Variants in SLC25A48 observed in about 807,000 individuals in gnomAD.
SLC25A48 encodes the protein solute carrier family 25 member 48.
Under a neutral mutation model 32.2 loss-of-function variants are expected in SLC25A48, and 29 were observed. The ratio of observed to expected loss-of-function variants is 0.90; its 90% confidence interval spans 0.67 to 1.23. The LOEUF (loss-of-function observed/expected upper bound fraction) is 1.23, where lower values mean the gene tolerates loss of function less well. Among genes scored for constraint, SLC25A48 ranks in the 50% most tolerant of loss-of-function variants. SLC25A48 has a pLI of 0.00. For missense variants in SLC25A48, 399 were observed against 422.7 expected, an observed-to-expected ratio of 0.94 and a Z score of 0.49; for synonymous variants, 164 against 172.3, an observed-to-expected ratio of 0.95 and a Z score of 0.38.
At chr5:135,651,486 C>T (rs1272953732) in intron 3 of SLC25A48, among the ~76,000 whole-genome samples, 1 of 152,156 alleles carries the variant, frequency 6.6e-6, no homozygotes, top group African/African-American at 2.4e-5. Flanking sequence ...CATCTGCCTT[C>T]ATTAGTTTTT....
chr5:135,860,132 C>A (rs1157400243), intron 4 of SLC25A48, among the ~76,000 whole-genome samples: 1 of 152,152 alleles, frequency 6.6e-6, no homozygotes, highest in Non-Finnish European at 1.5e-5. Flanking sequence ...ATCAAGGCAG[C>A]TTGAAGGATA....
chr5:135,603,797 C>A (rs987822330), intron 1 of SLC25A48, among the ~76,000 whole-genome samples: 1 of 152,178 alleles, frequency 6.6e-6, no homozygotes, highest in Non-Finnish European at 1.5e-5. Flanking sequence ...CTAGAAGAGG[C>A]CTCACTGTCC....
intron 3 of SLC25A48, among the ~76,000 whole-genome samples, chr5:135,646,142 C>T (rs1267139703): frequency 6.6e-6 from 1 of 152,088 alleles, no homozygotes; most frequent in Non-Finnish European, 1.5e-5. Flanking sequence ...TTCCAAGGCC[C>T]TAGGGGAGGA....
intron 1 of SLC25A48, among the ~76,000 whole-genome samples, chr5:135,837,537 T>C (rs1459310238): frequency 6.6e-6 from 1 of 152,148 alleles, no homozygotes; most frequent in African/African-American, 2.4e-5. Flanking sequence ...CCCACCCAAA[T>C]CTCATCTTGA....
chr5:135,723,490 A>T (rs1319495903), intron 3 of SLC25A48, among the ~76,000 whole-genome samples: 1 of 151,040 alleles, frequency 6.6e-6, no homozygotes. Context: ...TTTTTTATTT[A>T]AAAAAGGCAC....
At chr5:135,719,244 A>C (rs985109069) in intron 3 of SLC25A48, among the ~76,000 whole-genome samples, 2 of 152,064 alleles carry the variant, frequency 1.3e-5, no homozygotes, top group Non-Finnish European at 2.9e-5. Flanking sequence ...CAAATCCGGG[A>C]TTTATTTTTC....
intron 3 of SLC25A48, among the ~76,000 whole-genome samples, chr5:135,716,192 A>G (rs1754792217): frequency 6.6e-6 from 1 of 152,120 alleles, no homozygotes; most frequent in Non-Finnish European, 1.5e-5. Flanking sequence ...CTACAGGAAA[A>G]AGTGAACCTC....
intron 3 of SLC25A48, among the ~76,000 whole-genome samples, chr5:135,665,622 G>A (rs1177926321): frequency 1.3e-5 from 2 of 151,944 alleles, no homozygotes; most frequent in African/African-American, 4.8e-5. Flanking sequence ...TGAGAGATAG[G>A]GATCGCGTTT....
intron 1 of SLC25A48, among the ~76,000 whole-genome samples, chr5:135,607,030 C>T (rs1751953372): frequency 6.6e-6 from 1 of 152,184 alleles, no homozygotes; most frequent in Non-Finnish European, 1.5e-5. Context: ...AGAACTCTTA[C>T]CCAGGGGACT....
chr5:135,791,818 C>T (rs1757037627), intron 3 of SLC25A48, among the ~76,000 whole-genome samples: 1 of 151,432 alleles, frequency 6.6e-6, no homozygotes, highest in Non-Finnish European at 1.5e-5. Context: ...CTTATAATGC[C>T]ACAGGGGGTG....
At chr5:135,868,324 G>C (rs1167341415) in intron 4 of SLC25A48, among the ~76,000 whole-genome samples, 1 of 152,140 alleles carries the variant, frequency 6.6e-6, no homozygotes, top group Non-Finnish European at 1.5e-5. Flanking sequence ...CAGAGGGGTT[G>C]TGTACTCTTA....
intron 3 of SLC25A48, among the ~76,000 whole-genome samples, chr5:135,747,763 C>G (rs1267659874): frequency 2.6e-5 from 4 of 152,170 alleles, no homozygotes; most frequent in Admixed American, 2.0e-4. Context: ...TAATTATAGC[C>G]AGCATTTTGT....
At chr5:135,638,113 C>T (rs1159758409) in intron 3 of SLC25A48, among the ~76,000 whole-genome samples, 1 of 152,096 alleles carries the variant, frequency 6.6e-6, no homozygotes, top group Non-Finnish European at 1.5e-5. Flanking sequence ...AACATATTCG[C>T]TGCAATTGTG....
At chr5:135,596,302 T>G (rs1751649356) in intron 1 of SLC25A48, among the ~76,000 whole-genome samples, 1 of 152,074 alleles carries the variant, frequency 6.6e-6, no homozygotes, top group East Asian at 1.9e-4. Flanking sequence ...ACCATAGAGA[T>G]GAAACTCCAC....
chr5:135,580,527 CAAG>C (rs1751208199), intron 1 of SLC25A48, among the ~76,000 whole-genome samples: 1 of 152,256 alleles, frequency 6.6e-6, no homozygotes, highest in South Asian at 2.1e-4. Context: ...CTTGCTGCTT[CAAG>C]AAGAAGCTGA....
intron 3 of SLC25A48, among the ~76,000 whole-genome samples, chr5:135,663,425 C>T (rs574361796): frequency 5.9e-5 from 9 of 152,214 alleles, no homozygotes; most frequent in Non-Finnish European, 7.4e-5. Flanking sequence ...CCAGTCATAA[C>T]AACTAAAAAT....
At chr5:135,805,518 G>C (rs114850752) in intron 3 of SLC25A48, among the ~76,000 whole-genome samples, 1,798 of 151,666 alleles carry the variant, frequency 0.012, 33 homozygotes, top group African/African-American at 0.041. Flanking sequence ...ATCACAGTGG[G>C]TGTACACCAC....
Position 135,732,185 on chromosome 5 carries a change from G to C in SLC25A48, c.-520-80338G>C, listed in dbSNP as rs147930675. On this transcript the variant is annotated intron_variant, in intron 3 of 10. Transcript: ENST00000646290. ...GAGGTGTGTTTTTAAAAGACCATTA[G>C]TCCATTCTACCTTTCCTGAAGATTG... Among the ~76,000 whole-genome samples, 1,475 of 152,300 alleles carry C rather than the reference G, an allele frequency of 9.7e-3. 13 individuals carry two copies. Among genetic ancestry groups the C allele is most frequent in the African/African-American group, 0.033 (1,386 of 41,544 alleles).
intron 3 of SLC25A48, among the ~76,000 whole-genome samples, chr5:135,655,254 G>C (rs1753215311): frequency 6.6e-6 from 1 of 152,192 alleles, no homozygotes; most frequent in South Asian, 2.1e-4. Context: ...TACATTGGCT[G>C]TTCTGAGGGG....
Sources: allele counts gnomAD v4.1 joint callset (sites outside exome capture counted in the v4.1 genomes callset), GRCh38; gene constraint gnomAD v4.1.1; transcripts MANE v1.5; gene names NCBI Gene and HGNC (gene_info 2026-07-23, HGNC 2026-07-21).